Variants in JAKMIP3 observed in about 807,000 individuals in gnomAD.
JAKMIP3 encodes the protein janus kinase and microtubule-interacting protein 3.
In JAKMIP3, 58 loss-of-function variants were observed where a neutral mutation model predicts 118.5. The ratio of observed to expected loss-of-function variants is 0.49; its 90% CI spans 0.40 to 0.61. The LOEUF (loss-of-function observed/expected upper bound fraction) is 0.61, where lower values mean the gene tolerates loss of function less well. Among genes scored for constraint, JAKMIP3 ranks in the 20% least tolerant of loss-of-function variants. The probability of loss-of-function intolerance (pLI) is 0.00; values close to 1 mark genes in which losing one functional copy is unlikely to be tolerated. For synonymous variants in JAKMIP3, 486 were observed against 451.2 expected, an observed-to-expected ratio of 1.08 and a Z score of -0.98; for missense variants, 950 against 1,109.0, an observed-to-expected ratio of 0.86 and a Z score of 2.04.
At chr10:132,165,201 G>A (rs2058771816) in intron 21 of JAKMIP3, among the ~76,000 whole-genome samples, 1 of 152,208 alleles carries the variant, frequency 6.6e-6, no homozygotes, top group African/African-American at 2.4e-5. Context: ...ACCAGGGCTG[G>A]GGAGGGCTGT....
At chr10:132,177,778 C>G (rs1341315535) in intron 23 of JAKMIP3, among the ~76,000 whole-genome samples, 3 of 132,096 alleles carry the variant, frequency 2.3e-5, no homozygotes, top group Non-Finnish European at 4.7e-5. Flanking sequence ...GCTCCTGTGT[C>G]CTGGGTAGTG....
chr10:132,054,452 C>T (rs921990586), intron 1 of JAKMIP3, among the ~76,000 whole-genome samples: 2 of 151,944 alleles, frequency 1.3e-5, no homozygotes, highest in African/African-American at 4.8e-5. Context: ...GGGTGCAGGC[C>T]AACATGGGAG....
intron 5 of JAKMIP3, among the ~76,000 whole-genome samples, chr10:132,135,657 G>C (rs999964254): frequency 3.3e-5 from 5 of 152,260 alleles, no homozygotes; most frequent in Non-Finnish European, 5.9e-5. Context: ...CACCCCCGGG[G>C]ACGCCGAGCC....
chr10:132,100,006 A>G (rs7895750), intron 1 of JAKMIP3, among the ~76,000 whole-genome samples: 93,195 of 152,104 alleles, frequency 0.61, 28,815 homozygotes, highest in East Asian at 0.71. Flanking sequence ...CTGTGATCCT[A>G]TCGTGGTGAG....
intron 1 of JAKMIP3, among the ~76,000 whole-genome samples, chr10:132,093,852 G>C (rs955177303): frequency 6.6e-6 from 1 of 152,072 alleles, no homozygotes; most frequent in Non-Finnish European, 1.5e-5. Context: ...CTGTAGACTG[G>C]AGCTGTTCCT....
chr10:132,055,030 G>A (rs2038202163), intron 1 of JAKMIP3, among the ~76,000 whole-genome samples: 1 of 152,116 alleles, frequency 6.6e-6, no homozygotes, highest in Admixed American at 6.5e-5. Context: ...GGATCCTCCG[G>A]TGCACTTGGA....
intron 1 of JAKMIP3, among the ~76,000 whole-genome samples, chr10:132,055,550 G>T (rs1240574610): frequency 6.6e-6 from 1 of 152,244 alleles, no homozygotes; most frequent in Admixed American, 6.5e-5. Context: ...TTGGGAAGCA[G>T]GAGTGAAGGA....
intron 1 of JAKMIP3, among the ~76,000 whole-genome samples, chr10:132,069,031 G>A (rs958669479): frequency 2.0e-5 from 3 of 152,166 alleles, no homozygotes; most frequent in East Asian, 1.9e-4. Flanking sequence ...GGCTGAGTTC[G>A]AGGGGAGCGC....
chr10:132,037,041 G>T (rs894235460), intron 1 of JAKMIP3, among the ~76,000 whole-genome samples: 1 of 152,222 alleles, frequency 6.6e-6, no homozygotes, highest in African/African-American at 2.4e-5. Flanking sequence ...CTGGGGACCC[G>T]CATCTCCGTG....
upstream of JAKMIP3, among the ~76,000 whole-genome samples, chr10:132,036,659 C>T (rs995969677): frequency 1.0e-4 from 15 of 150,496 alleles, no homozygotes; most frequent in African/African-American, 3.1e-4. Flanking sequence ...GTGACGGTGA[C>T]GCGCGCCCCC....
Position 132,180,654 on chromosome 10 carries a change from TGTGCGTGTGTGC to T in JAKMIP3, c.*1104-1699_*1104-1688del, listed in dbSNP as rs1385996980. On this transcript the variant is annotated intron_variant, in intron 23 of 23. Transcript: ENST00000684848. ...GTGTGCGTGCGTGTGTGCGTGTGCGTGTGCGTGTGTGCGTGTGTGTGCGCGCGCGTGTGTGTG... is the reference window on the plus strand; with the variant it reads ...GTGTGCGTGCGTGTGTGCGTGTGCGTGTGTGTGTGCGCGCGCGTGTGTGTG... 1.3e-3 allele frequency among the ~76,000 whole-genome samples: 31 copies of T among 24,288 alleles called. 6 individuals carry two copies. The highest frequency in any genetic ancestry group is 6.2e-3 in the African/African-American group (29 of 4,696). 15.9% of individuals were successfully genotyped at this position (24,288 alleles called of 152,430 possible). A position where few individuals can be genotyped will look rare whatever the true frequency, so the allele number is the denominator to read the frequency against.
chr10:132,115,544 T>G (rs1023063549), intron 2 of JAKMIP3, among the ~76,000 whole-genome samples: 3 of 152,216 alleles, frequency 2.0e-5, no homozygotes. Flanking sequence ...AATGGAGATG[T>G]TGACCTGTGA....
In JAKMIP3 at chr10:132,118,506, C is replaced by T. The variant is rs2048069751; in HGVS notation, c.633+932C>T. 6.6e-6 allele frequency among the ~76,000 whole-genome samples: 1 copy of T among 152,206 alleles called. No individual in the cohort carries two copies. The highest frequency in any genetic ancestry group is 2.1e-4 in the South Asian group (1 of 4,828). On this transcript the variant is annotated intron_variant, in intron 3 of 23. Coordinates refer to ENST00000684848, the MANE Select transcript of JAKMIP3 (RefSeq NM_001323087.2). This position sits in a 1 kb window ranked among gnomAD's most constrained non-coding sequence, Gnocchi z 4.8. ...GGCGTGGCTGTGCACCTGGGGCAGC[C>T]TCCCTCTGCCTGCTTCCCGGGGCCT...
chr10:132,153,691 A>G (rs1177744223), intron 17 of JAKMIP3, 68 bp from the exon 18 acceptor site: 11 of 1,477,434 alleles, frequency 7.4e-6, no homozygotes, highest in Non-Finnish European at 9.5e-6. Flanking sequence ...CTTTTCTCCC[A>G]GCTGTCTCCA....
chr10:132,171,875 C>G (rs2059529887), intron 23 of JAKMIP3, among the ~76,000 whole-genome samples: 1 of 152,068 alleles, frequency 6.6e-6, no homozygotes, highest in Admixed American at 6.6e-5. Context: ...AGGATGGTCT[C>G]AAACTCCTGA....
In JAKMIP3 at chr10:132,150,790, T is replaced by C. The variant is rs1051951611; in HGVS notation, c.2007+749T>C. Among the ~76,000 whole-genome samples, 9 of 138,066 alleles carry C rather than the reference T, an allele frequency of 6.5e-5. 1 individual carries two copies. Among genetic ancestry groups the C allele is most frequent in the Admixed American group, 4.2e-4 (6 of 14,376 alleles). 90.6% of individuals were successfully genotyped at this position (138,066 alleles called of 152,430 possible). On this transcript the variant is annotated intron_variant, in intron 16 of 23. Transcript: ENST00000684848. ...AATCCATGTATCCGTCCTCCACAAT[T>C]CATTTATCCATCCTCCATAATCCAT...
At chr10:132,129,516 G>C in intron 3 of JAKMIP3, among the ~76,000 whole-genome samples, 1 of 152,180 alleles carries the variant, frequency 6.6e-6, no homozygotes, top group East Asian at 1.9e-4. Context: ...TGCTGTGGCA[G>C]CCCCAACCAA....
intron 1 of JAKMIP3, among the ~76,000 whole-genome samples, chr10:132,053,822 CA>C (rs1310271217): frequency 6.6e-6 from 1 of 151,794 alleles, no homozygotes; most frequent in African/African-American, 2.4e-5. Context: ...ATCACGAGGT[CA>C]GGAGATCGAG....
Position 132,163,353 on chromosome 10 carries a change from C to T in JAKMIP3, c.2365C>T (p.Arg789Cys), listed in dbSNP as rs746578069. The T allele has an allele frequency of 2.2e-5, 36 of 1,609,106 alleles. No individual in the cohort carries two copies. Among genetic ancestry groups the T allele is most frequent in the Non-Finnish European group, 2.9e-5 (34 of 1,179,448 alleles). ...QWKRQVMSEL[R>C]ERDAQILRER... ...GAAGCGCCAGGTCATGAGTGAGCTG[C>T]GCGAGCGGGACGCCCAGATCCTGCG... The change falls in exon 20 of 24, where the codon CGC (arginine) becomes TGC (cysteine). Residue 789 changes from arginine to cysteine, a missense_variant. Coordinates refer to ENST00000684848, the MANE Select transcript of JAKMIP3 (RefSeq NM_001323087.2).
Sources: allele counts gnomAD v4.1 joint callset (sites outside exome capture counted in the v4.1 genomes callset), GRCh38; gene constraint gnomAD v4.1.1; non-coding constraint Gnocchi (gnomAD v3.1); transcripts MANE v1.5; gene names NCBI Gene and HGNC (gene_info 2026-07-23, HGNC 2026-07-21).